Variants in CNTN4 observed in about 807,000 individuals in gnomAD.
The protein encoded by CNTN4 is contactin 4.
CNTN4 carries 77 observed loss-of-function variants against 122.5 expected under a neutral mutation model. The ratio of observed to expected loss-of-function variants is 0.63; its 90% CI spans 0.52 to 0.76. CNTN4 has a LOEUF of 0.76. Among genes scored for constraint, CNTN4 ranks in the 30% least tolerant of loss-of-function variants. The pLI, the probability that CNTN4 is intolerant of heterozygous loss-of-function variation, is 0.00. For missense variants in CNTN4, 1,256 were observed against 1,259.1 expected, an observed-to-expected ratio of 1.00 and a Z score of 0.04; for synonymous variants, 512 against 447.0, an observed-to-expected ratio of 1.15 and a Z score of -1.83.
chr3:2,600,005 CTTCTTTTTTTT>C (rs1397269041), intron 4 of CNTN4, among the ~76,000 whole-genome samples: 2,119 of 28,280 alleles, frequency 0.075, 101 homozygotes, highest in African/African-American at 0.15. Context: ...TTATGGAATT[CTTCTTTTTTTT>C]TTTTTTTTTT....
At chr3:2,281,366 C>G (rs1444651460) in intron 2 of CNTN4, among the ~76,000 whole-genome samples, 1 of 152,096 alleles carries the variant, frequency 6.6e-6, no homozygotes, top group Non-Finnish European at 1.5e-5. Flanking sequence ...TCTAGTAACT[C>G]CTAACCACAA....
chr3:2,551,835 A>G (rs1241817100), intron 3 of CNTN4, among the ~76,000 whole-genome samples: 1 of 152,102 alleles, frequency 6.6e-6, no homozygotes, highest in Non-Finnish European at 1.5e-5. Flanking sequence ...ATGGCTTTTT[A>G]AAGGTTTTTT....
intron 4 of CNTN4, among the ~76,000 whole-genome samples, chr3:2,573,471 G>A (rs983630134): frequency 5.3e-5 from 8 of 152,106 alleles, no homozygotes; most frequent in African/African-American, 1.7e-4. Flanking sequence ...TAAGGGATTC[G>A]ACTGACACTT....
chr3:2,217,260 G>A (rs1156532677), intron 2 of CNTN4, among the ~76,000 whole-genome samples: 1 of 152,138 alleles, frequency 6.6e-6, no homozygotes, highest in Non-Finnish European at 1.5e-5. Context: ...CTAGAAGGTT[G>A]TCCTTTATTT....
At chr3:2,856,148 T>C in intron 7 of CNTN4, among the ~76,000 whole-genome samples, 1 of 152,198 alleles carries the variant, frequency 6.6e-6, no homozygotes, top group Non-Finnish European at 1.5e-5. Flanking sequence ...GTAAGTTGAT[T>C]TCACAAAAGT....
chr3:2,292,097 A>G (rs747623560), intron 2 of CNTN4, among the ~76,000 whole-genome samples: 1 of 152,170 alleles, frequency 6.6e-6, no homozygotes, highest in Non-Finnish European at 1.5e-5. Context: ...CACATAATTA[A>G]CCGTTAAAAT....
chr3:2,290,542 C>T (rs2042095304), intron 2 of CNTN4, among the ~76,000 whole-genome samples: 1 of 151,980 alleles, frequency 6.6e-6, no homozygotes, highest in African/African-American at 2.4e-5. Flanking sequence ...ATACGTGAGA[C>T]CTAAATAAGT....
intron 2 of CNTN4, among the ~76,000 whole-genome samples, chr3:2,229,319 C>T (rs1038804910): frequency 6.6e-6 from 1 of 152,118 alleles, no homozygotes; most frequent in South Asian, 2.1e-4. Flanking sequence ...ATATAATATA[C>T]TTAGCCTAGC....
chr3:2,873,926 A>G (rs1402494832), intron 8 of CNTN4, among the ~76,000 whole-genome samples: 1 of 152,180 alleles, frequency 6.6e-6, no homozygotes, highest in Non-Finnish European at 1.5e-5. Context: ...TCTAATTGCA[A>G]CCTTTGTGTG....
intron 3 of CNTN4, among the ~76,000 whole-genome samples, chr3:2,547,004 A>G (rs763924878): frequency 6.6e-6 from 1 of 152,140 alleles, no homozygotes; most frequent in Admixed American, 6.6e-5. Flanking sequence ...ATTAATCTGC[A>G]CCAGAACATC....
At chr3:2,910,084 A>G (rs2094283626) in intron 12 of CNTN4, among the ~76,000 whole-genome samples, 1 of 152,246 alleles carries the variant, frequency 6.6e-6, no homozygotes. Context: ...CATTTCAACA[A>G]GAGAGTGAAT....
At chr3:2,569,541 A>T (rs1021678942) in intron 3 of CNTN4, among the ~76,000 whole-genome samples, 23 of 151,708 alleles carry the variant, frequency 1.5e-4, no homozygotes, top group Admixed American at 1.3e-3. Flanking sequence ...AATGTAATAT[A>T]TTTTTTTACA....
intron 2 of CNTN4, among the ~76,000 whole-genome samples, chr3:2,208,588 A>G (rs2038468528): frequency 6.6e-6 from 1 of 152,158 alleles, no homozygotes; most frequent in South Asian, 2.1e-4. Flanking sequence ...GTTTGAGAGA[A>G]TTGACTGCAT....
At chr3:2,576,358 G>A (rs1289572919) in intron 4 of CNTN4, among the ~76,000 whole-genome samples, 8 of 152,176 alleles carry the variant, frequency 5.3e-5, no homozygotes, top group Admixed American at 2.0e-4. Flanking sequence ...TATAGACCCC[G>A]GGTGCTTTGT....
Position 2,736,799 on chromosome 3 carries a change from T to C in CNTN4, c.182+458T>C, listed in dbSNP as rs113709879. Among the ~76,000 whole-genome samples the C allele has an allele frequency of 1.3e-4, 15 of 112,612 alleles. No homozygotes were observed. The East Asian group carries it at 1.7e-3, about 13-fold the overall frequency. The allele number at this position is 112,612 out of a possible 152,430, so 73.9% of individuals were successfully genotyped here. A position where few individuals can be genotyped will look rare whatever the true frequency, so the allele number is the denominator to read the frequency against. ...ATTTATTTATTTATTTATTTATTTA[T>C]TTATTTATTTAGAGACGGAGTCTCG... On this transcript the variant is annotated intron_variant, in intron 5 of 24. Transcript: ENST00000418658.
intron 6 of CNTN4, among the ~76,000 whole-genome samples, chr3:2,801,951 A>C (rs1309246843): frequency 1.3e-5 from 2 of 152,132 alleles, no homozygotes; most frequent in South Asian, 2.1e-4. Flanking sequence ...AAAATGTTGG[A>C]GTTTTCTCTA....
chr3:2,381,464 A>G (rs187600492), intron 3 of CNTN4, among the ~76,000 whole-genome samples: 2 of 152,160 alleles, frequency 1.3e-5, no homozygotes, highest in Non-Finnish European at 2.9e-5. Flanking sequence ...CTTAGCTATC[A>G]CTAGTCTGGA....
chr3:2,772,561 T>C (rs1178097648), intron 6 of CNTN4, among the ~76,000 whole-genome samples: 1 of 152,104 alleles, frequency 6.6e-6, no homozygotes, highest in Non-Finnish European at 1.5e-5. Flanking sequence ...ACATACCAAG[T>C]TGTGTGATTT....
chr3:2,278,536 A>G (rs1218699287), intron 2 of CNTN4, among the ~76,000 whole-genome samples: 2 of 152,216 alleles, frequency 1.3e-5, no homozygotes, highest in Non-Finnish European at 2.9e-5. Context: ...AGTGGTATGG[A>G]GAAGCAGTCA....
Sources: gnomAD v4.1 joint callset for allele counts (sites outside exome capture counted in the v4.1 genomes callset) on GRCh38, gnomAD v4.1.1 for gene constraint, MANE v1.5 for transcripts, NCBI Gene and HGNC (gene_info 2026-07-23, HGNC 2026-07-21) for gene names.